The following ATP1A4 variants were observed in gnomAD, a reference collection of about 807,000 sequenced individuals.
ATP1A4 encodes the protein ATPase Na+/K+ transporting subunit alpha 4.
A neutral mutation model predicts 114.3 loss-of-function variants in ATP1A4; 90 were observed. The ratio of observed to expected loss-of-function variants is 0.79; its 90% CI spans 0.66 to 0.94. The LOEUF (loss-of-function observed/expected upper bound fraction) is 0.94, where lower values mean the gene tolerates loss of function less well. ATP1A4 is among the 40% of genes least tolerant of loss of function. ATP1A4 has a pLI of 0.00. For synonymous variants in ATP1A4, 511 were observed against 494.1 expected (o/e 1.03, Z -0.45); for missense variants, 1,222 against 1,313.6 (o/e 0.93, Z 1.08).
intron 18 of ATP1A4, among the ~76,000 whole-genome samples, chr1:160,180,669 A>G (rs76872672): frequency 0.036 from 4,215 of 118,602 alleles, 81 homozygotes; most frequent in East Asian, 0.093. Context: ...TTTCTGACCT[A>G]TATCCCCTGA....
At position 160,155,041 on chromosome 1, in the gene ATP1A4, A is replaced by G. The variant is rs1194638353; in HGVS notation, c.208-4A>G. ...CTATCCAACCCTATTTCTTCTCTGC[A>G]CAGGGCCATAGCCACCAAAGGGCAA... On this transcript the variant is annotated splice_polypyrimidine_tract_variant and splice_region_variant and intron_variant, in intron 2 of 21. Coordinates refer to ENST00000368081, the MANE Select transcript of ATP1A4 (RefSeq NM_144699.4). 6.2e-7 allele frequency: 1 copy of G among 1,613,192 alleles called. No homozygotes were observed. Among genetic ancestry groups the G allele is most frequent in the Admixed American group, 1.7e-5 (1 of 59,990 alleles).
In ATP1A4 at chr1:160,167,067, C is replaced by G. The variant is rs1653067018; in HGVS notation, c.1346C>G (p.Pro449Arg). 2 of 1,613,900 alleles carry G rather than the reference C, an allele frequency of 1.2e-6. No individual in the cohort carries two copies. The highest frequency in any genetic ancestry group is 1.7e-5 in the Admixed American group (1 of 59,998). The part of the protein sequence containing the change: ...ADFKANQEIL[P>R]IAKRATTGDA... ...TTTAAGGCTAATCAGGAGATCCTGC[C>G]CATTGCTAAGGTGTCAGGCCCAAGG... Residue 449 changes from proline (P) to arginine (R), a missense_variant, in exon 9 of 22, where the codon CCC becomes CGC. Transcript: ENST00000368081.
At chr1:160,156,353 C>A in intron 4 of ATP1A4, among the ~76,000 whole-genome samples, 195 bp downstream of exon 4, 1 of 142,042 alleles carries the variant, frequency 7.0e-6, no homozygotes, top group Non-Finnish European at 1.6e-5. Context: ...CATAACGTCA[C>A]CTATGAAGTG....
intron 18 of ATP1A4, among the ~76,000 whole-genome samples, chr1:160,179,911 G>A (rs1326337310): frequency 6.6e-6 from 1 of 152,178 alleles, no homozygotes; most frequent in Non-Finnish European, 1.5e-5. Flanking sequence ...AAAAATGCTA[G>A]TCAGAGAGAG....
chr1:160,168,216 T>A lies in ATP1A4; in HGVS notation c.1491+804T>A, dbSNP rs77739976. Among the ~76,000 whole-genome samples, 619 of 152,148 alleles carry A rather than the reference T, an allele frequency of 4.1e-3. 19 individuals are homozygous for A. The East Asian group carries it at 0.088, about 22-fold the overall frequency. ...TGCAGGAACAGTGACATTATCAGAA[T>A]TGGAGCTTTGCCAGGCTCAAGCTGA... On this transcript the variant is annotated intron_variant, in intron 10 of 21. Coordinates refer to ENST00000368081, the MANE Select transcript of ATP1A4 (RefSeq NM_144699.4).
chr1:160,175,686 A>G (rs1653434537), intron 15 of ATP1A4, among the ~76,000 whole-genome samples: 1 of 152,102 alleles, frequency 6.6e-6, no homozygotes, highest in Non-Finnish European at 1.5e-5. Context: ...AATGAAGCTC[A>G]CGGAGGTGAG....
intron 20 of ATP1A4, among the ~76,000 whole-genome samples, chr1:160,183,953 C>CTTT (rs35692428): frequency 1.0e-4 from 13 of 129,154 alleles, no homozygotes; most frequent in South Asian, 7.5e-4. Context: ...ATTGATAATG[C>CTTT]TTTTTTTTTT....
At chr1:160,175,938 T>C (rs1367859442) in intron 15 of ATP1A4, among the ~76,000 whole-genome samples, 154 bp from the exon 16 acceptor site, 1 of 152,062 alleles carries the variant, frequency 6.6e-6, no homozygotes, top group Non-Finnish European at 1.5e-5. Flanking sequence ...AGGCACACAA[T>C]TTAGAAACAA....
intron 3 of ATP1A4, among the ~76,000 whole-genome samples, chr1:160,155,492 TTAATGTAATAAATGTACATTACATAA>T (rs1416481062): frequency 1.3e-5 from 2 of 152,106 alleles, no homozygotes; most frequent in African/African-American, 4.8e-5. Flanking sequence ...TAAATGTACA[TTAATGTAATAAATGTACATTACATAA>T]TAATGTAATA....
intron 15 of ATP1A4, among the ~76,000 whole-genome samples, 194 bp from the exon 16 acceptor site, chr1:160,175,898 C>G (rs1884996): frequency 0.75 from 113,625 of 152,104 alleles, 42,857 homozygotes; most frequent in East Asian, 0.88. Flanking sequence ...TAAGAACAAA[C>G]AGTACACAGA....
In ATP1A4 at chr1:160,167,323, A is replaced by G. The variant is rs150196340; in HGVS notation, c.1402A>G (p.Ile468Val). ...DASESALLKF[I>V]EQSYSSVAEM... is the part of the protein sequence containing the mutation. The stretch of plus-strand genomic sequence containing the variant: ...TTCCGAGTCAGCCCTCCTCAAGTTC[A>G]TCGAGCAGTCTTACAGCTCTGTGGC... The change falls in exon 10 of 22, where the codon ATC (isoleucine) becomes GTC (valine). Residue 468 changes from isoleucine to valine, a missense_variant. By Grantham distance (29) the Ile-to-Val change is conservative (BLOSUM62 3). Transcript: ENST00000368081. 354 of 1,609,796 alleles carry G rather than the reference A, an allele frequency of 2.2e-4. 1 individual carries two copies. In the African/African-American group the frequency reaches 4.3e-3, roughly 20 times the overall value.
At chr1:160,179,769 T>C (rs1381013496) in intron 18 of ATP1A4, among the ~76,000 whole-genome samples, 1 of 152,204 alleles carries the variant, frequency 6.6e-6, no homozygotes, top group African/African-American at 2.4e-5. Flanking sequence ...ATTGCTCTCA[T>C]GGAGCTTATT....
chr1:160,185,649 G>C (rs1653853271), intron 20 of ATP1A4, among the ~76,000 whole-genome samples: 1 of 151,866 alleles, frequency 6.6e-6, no homozygotes, highest in African/African-American at 2.4e-5. Flanking sequence ...GGCCAGGCAT[G>C]GTGGCTCACA....
chr1:160,154,084 T>G (rs1039674144), intron 2 of ATP1A4, among the ~76,000 whole-genome samples: 3 of 152,148 alleles, frequency 2.0e-5, no homozygotes, highest in Non-Finnish European at 2.9e-5. Flanking sequence ...TTTTAAAAAT[T>G]TATGGGCCAG....
At chr1:160,184,639 TTAAA>T (rs1653819719) in intron 20 of ATP1A4, among the ~76,000 whole-genome samples, 1 of 152,230 alleles carries the variant, frequency 6.6e-6, no homozygotes. Flanking sequence ...ATATATTGGG[TTAAA>T]TAAAAATATT....
Position 160,186,355 on chromosome 1 carries a change from C to T in ATP1A4, c.3049C>T (p.Gln1017Ter). The change falls in exon 21 of 22, where the codon CAG (glutamine) becomes TAG (stop). Residue 1017 changes from glutamine (Q) to a stop codon, truncating the protein, a stop_gained. Transcript: ENST00000368081. LOFTEE classifies it high-confidence loss of function. Reference protein sequence around the residue: ...YDEIRKLLIRQHPDGWVERET... With the variant: ...YDEIRKLLIR ...TGAAATCAGAAAACTCCTCATCCGT[C>T]AGCACCCGGATGGTGAGGCTCCCCT... 6.2e-7 allele frequency: 1 copy of T among 1,612,628 alleles called. No individual in the cohort carries two copies. Among genetic ancestry groups the T allele is most frequent in the Non-Finnish European group, 8.5e-7 (1 of 1,178,984 alleles).
In ATP1A4 at chr1:160,166,697, A is replaced by G. The variant is rs753305455; in HGVS notation, c.1217A>G (p.Tyr406Cys). Residue 406 changes from tyrosine to cysteine, a missense_variant, in exon 8 of 22, where the codon TAT (tyrosine) becomes TGT (cysteine). Transcript: ENST00000368081. ...CACATGTGGTTTGATATGACCGTGTATGAGGCCGACACCACTGAAGAACAG... is the reference window on the plus strand; with the variant it reads ...CACATGTGGTTTGATATGACCGTGTGTGAGGCCGACACCACTGAAGAACAG... Reference protein sequence around the residue: ...VAHMWFDMTVYEADTTEEQTG... With the variant: ...VAHMWFDMTVCEADTTEEQTG... 11 of 1,614,170 alleles carry G rather than the reference A, an allele frequency of 6.8e-6. No individual in the cohort carries two copies. The South Asian group carries it at 1.2e-4, about 18-fold the overall frequency.
chr1:160,151,957 G>A lies in ATP1A4; in HGVS notation c.-84G>A, dbSNP rs1389006460. 1.5e-5 allele frequency: 22 copies of A among 1,500,584 alleles called. No individual in the cohort carries two copies. The highest frequency in any genetic ancestry group is 5.6e-5 in the African/African-American group (4 of 71,412). 93.0% of individuals were successfully genotyped at this position (1,500,584 alleles called of 1,614,324 possible). On this transcript the variant is annotated 5_prime_UTR_variant, in exon 1 of 22. Coordinates refer to ENST00000368081, the MANE Select transcript of ATP1A4 (RefSeq NM_144699.4). The stretch of plus-strand genomic sequence containing the variant: ...CTCTCTTCTCGTGGCCCCCTTGCCC[G>A]CGCGCCCTCTTCCCTTCCCCTTGCC...
intron 14 of ATP1A4, 29 bp from the exon 15 acceptor site, chr1:160,174,550 G>A: frequency 1.2e-6 from 2 of 1,604,464 alleles, no homozygotes; most frequent in Non-Finnish European, 1.7e-6. Context: ...GCAATAAATT[G>A]TTCACTCTCT....
Sources: gnomAD v4.1 joint callset for allele counts (sites outside exome capture counted in the v4.1 genomes callset) on GRCh38, gnomAD v4.1.1 for gene constraint, MANE v1.5 for transcripts, NCBI Gene and HGNC (gene_info 2026-07-23, HGNC 2026-07-21) for gene names.